Variants in ADGRG4 observed in about 807,000 individuals in gnomAD.
The protein encoded by ADGRG4 is G protein-coupled receptor 112.
In ADGRG4, 122 loss-of-function variants were observed where a neutral mutation model predicts 126.2. That is an observed-to-expected ratio of 0.97 (90% confidence interval 0.83 to 1.12). The LOEUF is 1.12. Ranked by LOEUF, ADGRG4 falls within the 50% of genes most tolerant of loss-of-function variation. The pLI is 0.00. For synonymous variants in ADGRG4, 943 were observed against 838.7 expected (o/e 1.12, Z -2.15); for missense variants, 2,481 against 2,251.8 (o/e 1.10, Z -2.06).
rs144405829 is a variant in ADGRG4, at chrX:136,345,697, T to C, written c.1991T>C (p.Leu664Pro). The C allele has an allele frequency of 5.0e-6, 6 of 1,209,841 alleles. No individual in the cohort carries two copies. The African/African-American group carries it at 1.0e-4, about 21-fold the overall frequency. The change falls in exon 6 of 26, where the codon CTG becomes CCG. Residue 664 changes from leucine to proline, a missense_variant. By Grantham distance (98) the Leu-to-Pro change is moderately conservative. Coordinates refer to ENST00000394143, the MANE Select transcript of ADGRG4 (RefSeq NM_153834.4). ...TIWTSRPDQA[L>P]LASMNTTTIL... ...TGGACTTCTAGGCCAGACCAGGCCCTGCTGGCATCTATGAACACAACCACC... is the reference window on the plus strand; with the variant it reads ...TGGACTTCTAGGCCAGACCAGGCCCCGCTGGCATCTATGAACACAACCACC...
In ADGRG4 at chrX:136,359,463, T is replaced by C; in HGVS notation, c.7144+8T>C. The C allele has an allele frequency of 8.5e-7, 1 of 1,175,137 alleles. No individual in the cohort carries two copies. Among genetic ancestry groups the C allele is most frequent in the Non-Finnish European group, 1.1e-6 (1 of 869,987 alleles). ...TTGCAGTGAAAAAACTAGGTAATTT[T>C]TTTGGGGGGTGGATATTGCAGTATG... On this transcript the variant is annotated splice_region_variant and intron_variant, in intron 11 of 25. Transcript: ENST00000394143.
At chrX:136,416,015 C>G (rs2075473495) in intron 25 of ADGRG4, among the ~76,000 whole-genome samples, 1 of 112,021 alleles carries the variant, frequency 8.9e-6, no homozygotes, top group Non-Finnish European at 1.9e-5. Flanking sequence ...AAGCTTGATT[C>G]TATTAGCAGA....
At chrX:136,372,720 C>CT (rs1439609248) in intron 14 of ADGRG4, among the ~76,000 whole-genome samples, 182 bp from the exon 15 acceptor site, 2 of 112,013 alleles carry the variant, frequency 1.8e-5, no homozygotes, top group Non-Finnish European at 3.8e-5. Flanking sequence ...ATTAGAGAAG[C>CT]TAAGATTTAG....
intron 23 of ADGRG4, 142 bp downstream of exon 23, chrX:136,406,114 T>C: frequency 1.5e-6 from 1 of 647,226 alleles, no homozygotes; most frequent in South Asian, 3.8e-5. Context: ...TCTCTCTTGC[T>C]CAGTGGTATA....
chrX:136,378,934 A>G (rs2075243787), intron 15 of ADGRG4, among the ~76,000 whole-genome samples: 2 of 111,831 alleles, frequency 1.8e-5, no homozygotes, highest in Non-Finnish European at 3.8e-5. Context: ...CATGAAGAGT[A>G]TTGGTCTGAA....
chrX:136,304,691 G>A (rs1422854717), intron 2 of ADGRG4, among the ~76,000 whole-genome samples, 164 bp from the exon 3 acceptor site: 1 of 112,241 alleles, frequency 8.9e-6, no homozygotes, highest in Non-Finnish European at 1.9e-5. Context: ...CGCCCTCTAT[G>A]TGCCAGGCAG....
At chrX:136,307,163 T>G in intron 3 of ADGRG4, among the ~76,000 whole-genome samples, 1 of 112,837 alleles carries the variant, frequency 8.9e-6, no homozygotes, top group East Asian at 2.8e-4. Flanking sequence ...GATTACTTGC[T>G]GCTGAAAATC....
chrX:136,331,179 C>T (rs1181587325), intron 5 of ADGRG4, among the ~76,000 whole-genome samples: 2 of 112,279 alleles, frequency 1.8e-5, no homozygotes, highest in Non-Finnish European at 3.8e-5. Flanking sequence ...GACTGGATCT[C>T]ATTTTTTTGT....
intron 13 of ADGRG4, among the ~76,000 whole-genome samples, chrX:136,365,644 A>G (rs1367846420): frequency 9.0e-6 from 1 of 111,715 alleles, no homozygotes; most frequent in Non-Finnish European, 1.9e-5. Context: ...AGGAACTTCA[A>G]AACTGTTTTC....
intron 5 of ADGRG4, among the ~76,000 whole-genome samples, chrX:136,327,756 C>G (rs968377393): frequency 1.8e-5 from 2 of 110,293 alleles, no homozygotes; most frequent in Non-Finnish European, 3.8e-5. Context: ...AAGACACGTT[C>G]CTAAGGGTAG....
rs6635271 is a variant in ADGRG4, at chrX:136,375,647, C to T, written c.7776+2583C>T. Among the ~76,000 whole-genome samples, 33 of 111,958 alleles carry T rather than the reference C, an allele frequency of 2.9e-4. No homozygotes were observed. In the South Asian group the frequency reaches 0.01, roughly 35 times the overall value. ...TTCCCTGATGGTTAGTGATATTGAG[C>T]ATTTTTTCATATGTTTGTTGGGTGT... On this transcript the variant is annotated intron_variant, in intron 15 of 25. Transcript: ENST00000394143.
At chrX:136,374,056 T>C (rs777400988) in intron 15 of ADGRG4, among the ~76,000 whole-genome samples, 26 of 112,074 alleles carry the variant, frequency 2.3e-4, no homozygotes, top group Non-Finnish European at 4.5e-4. Context: ...GCAGTGGCAA[T>C]CACTGTTCTT....
intron 19 of ADGRG4, among the ~76,000 whole-genome samples, chrX:136,396,360 A>G (rs1362595282): frequency 2.2e-5 from 2 of 92,490 alleles, no homozygotes; most frequent in South Asian, 9.1e-4. Context: ...ATATTTATTT[A>G]TTTTACATAT....
At chrX:136,363,674 A>G (rs1347102681) in intron 13 of ADGRG4, 79 bp downstream of exon 13, 18 of 635,093 alleles carry the variant, frequency 2.8e-5, no homozygotes, top group Non-Finnish European at 4.5e-5. Context: ...CAGAGAGAGT[A>G]TAGGCAAACC....
At chrX:136,396,610 A>AAG (rs1193246292) in intron 19 of ADGRG4, among the ~76,000 whole-genome samples, 12 of 101,549 alleles carry the variant, frequency 1.2e-4, no homozygotes, top group South Asian at 8.8e-4. Flanking sequence ...AAAAAAAAAA[A>AAG]AGAGAGAGAG....
chrX:136,412,996 C>T (rs2075454214), intron 24 of ADGRG4, among the ~76,000 whole-genome samples: 1 of 112,193 alleles, frequency 8.9e-6, no homozygotes, highest in Admixed American at 9.4e-5. Flanking sequence ...GTGAAGGCAG[C>T]ACTTGAACTC....
chrX:136,351,540 C>T lies in ADGRG4; in HGVS notation c.6821C>T (p.Ser2274Leu), dbSNP rs1272460149. The T allele has an allele frequency of 7.8e-6, 8 of 1,019,688 alleles. No individual in the cohort carries two copies. Among genetic ancestry groups the T allele is most frequent in the African/African-American group, 7.7e-5 (4 of 52,179 alleles). 84.0% of individuals were successfully genotyped at this position (1,019,688 alleles called of 1,213,427 possible). A position where few individuals can be genotyped will look rare whatever the true frequency, so the allele number is the denominator to read the frequency against. The change falls in exon 7 of 26, where the codon TCG becomes TTG. Residue 2274 changes from serine (S) to leucine (L), a missense_variant and splice_region_variant. Coordinates refer to ENST00000394143, the MANE Select transcript of ADGRG4 (RefSeq NM_153834.4). ...GTTATAAATGAATTTACGGAAAATT[C>T]GGTAAAATAATCTTTTGCATATTTA... ...TSVINEFTEN[S>L]LNSIFQNSEF...
chrX:136,386,187 T>A (rs959476196), intron 15 of ADGRG4, among the ~76,000 whole-genome samples: 1 of 112,314 alleles, frequency 8.9e-6, no homozygotes, highest in African/African-American at 3.2e-5. Flanking sequence ...CTTCAAGTCG[T>A]TGTTACTTTG....
intron 5 of ADGRG4, among the ~76,000 whole-genome samples, chrX:136,339,480 A>G (rs1339061964): frequency 8.9e-6 from 1 of 111,918 alleles, no homozygotes; most frequent in Non-Finnish European, 1.9e-5. Flanking sequence ...GTGCCCAGTC[A>G]GTCCCCCTTG....
Sources: allele counts gnomAD v4.1 joint callset (sites outside exome capture counted in the v4.1 genomes callset), GRCh38; gene constraint gnomAD v4.1.1; transcripts MANE v1.5; gene names NCBI Gene and HGNC (gene_info 2026-07-23, HGNC 2026-07-21).